FCHSD2: variants seen among roughly 807,000 people sequenced by gnomAD.
FCHSD2 encodes FCH and double SH3 domains 2, also known as F-BAR and double SH3 domains protein 2.
Under a neutral mutation model 108.1 loss-of-function variants are expected in FCHSD2, and 38 were observed. That is an observed-to-expected ratio of 0.35 (90% confidence interval 0.27 to 0.46). The LOEUF is 0.46. FCHSD2 is among the 20% of genes least tolerant of loss of function. The pLI, the probability that FCHSD2 is intolerant of heterozygous loss-of-function variation, is 1.00. For missense variants in FCHSD2, 751 were observed against 897.8 expected (o/e 0.84, Z 2.09); for synonymous variants, 279 against 314.7 (o/e 0.89, Z 1.20).
chr11:73,067,034 C>T (rs1051212222), intron 3 of FCHSD2, among the ~76,000 whole-genome samples: 1 of 152,146 alleles, frequency 6.6e-6, no homozygotes, highest in African/African-American at 2.4e-5. Context: ...CACATGCACA[C>T]GTATGTTTAT....
intron 12 of FCHSD2, among the ~76,000 whole-genome samples, chr11:72,886,650 T>C (rs535393290): frequency 8.9e-4 from 135 of 152,356 alleles, no homozygotes; most frequent in African/African-American, 3.0e-3. Flanking sequence ...GATAAAAGTG[T>C]GTGCACAGGT....
intron 8 of FCHSD2, among the ~76,000 whole-genome samples, chr11:72,956,819 T>C (rs1444012578): frequency 6.0e-5 from 2 of 33,514 alleles, no homozygotes; most frequent in African/African-American, 1.3e-4. Flanking sequence ...GATGATTTCA[T>C]AGTGGAAAAA....
At chr11:72,855,949 A>G (rs143548146) in intron 13 of FCHSD2, among the ~76,000 whole-genome samples, 20 of 152,320 alleles carry the variant, frequency 1.3e-4, no homozygotes, top group African/African-American at 4.6e-4. Context: ...CCTAATAAAG[A>G]AGAGACAAAC....
intron 8 of FCHSD2, among the ~76,000 whole-genome samples, chr11:72,978,040 T>C (rs1362398154): frequency 3.9e-5 from 6 of 152,070 alleles, no homozygotes; most frequent in Non-Finnish European, 1.5e-5. Context: ...AAACCACCAT[T>C]CTGAGCAAAC....
chr11:73,015,244 G>A (rs1294016029), intron 4 of FCHSD2, among the ~76,000 whole-genome samples: 6 of 152,098 alleles, frequency 3.9e-5, no homozygotes, highest in South Asian at 2.1e-4. Flanking sequence ...ATTACAATTC[G>A]TATGTGGGAT....
intron 2 of FCHSD2, among the ~76,000 whole-genome samples, chr11:73,086,962 C>A (rs2135517852): frequency 6.6e-6 from 1 of 152,286 alleles, no homozygotes; most frequent in African/African-American, 2.4e-5. Flanking sequence ...CAAAAACACA[C>A]AAATATTGTA....
intron 13 of FCHSD2, among the ~76,000 whole-genome samples, chr11:72,852,797 T>A (rs759514344): frequency 1.3e-5 from 2 of 152,134 alleles, no homozygotes; most frequent in Admixed American, 6.6e-5. Context: ...ATATATACCA[T>A]GAAATACTAG....
intron 8 of FCHSD2, among the ~76,000 whole-genome samples, chr11:72,963,307 C>A (rs1363951788): frequency 6.6e-6 from 1 of 152,078 alleles, no homozygotes; most frequent in East Asian, 1.9e-4. Flanking sequence ...ATATACCTGG[C>A]AAAGTAGTGA....
intron 4 of FCHSD2, among the ~76,000 whole-genome samples, chr11:73,015,372 T>G (rs1857947887): frequency 6.6e-6 from 1 of 152,134 alleles, no homozygotes; most frequent in South Asian, 2.1e-4. Flanking sequence ...TTAGAAAGTT[T>G]CCCCCCTAGT....
At chr11:73,032,034 A>G (rs1374015279) in intron 3 of FCHSD2, among the ~76,000 whole-genome samples, 1 of 152,206 alleles carries the variant, frequency 6.6e-6, no homozygotes, top group Admixed American at 6.5e-5. Context: ...AATGTTACAC[A>G]ATTATTAAAG....
chr11:73,058,040 T>C (rs1158917321), intron 3 of FCHSD2, among the ~76,000 whole-genome samples: 3 of 152,080 alleles, frequency 2.0e-5, no homozygotes, highest in Non-Finnish European at 4.4e-5. Context: ...CGACCACGCC[T>C]GGCTAATTTT....
At chr11:73,082,858 G>T (rs1859728272) in intron 3 of FCHSD2, among the ~76,000 whole-genome samples, 1 of 152,074 alleles carries the variant, frequency 6.6e-6, no homozygotes. Context: ...GTACATGAAA[G>T]AATAGTTATT....
At chr11:73,133,298 T>G (rs1313261768) in intron 2 of FCHSD2, among the ~76,000 whole-genome samples, 1 of 152,172 alleles carries the variant, frequency 6.6e-6, no homozygotes, top group Non-Finnish European at 1.5e-5. Context: ...CATATATCCA[T>G]ACAAAAACTT....
At chr11:73,060,911 G>A (rs1003629610) in intron 3 of FCHSD2, among the ~76,000 whole-genome samples, 4 of 152,184 alleles carry the variant, frequency 2.6e-5, no homozygotes, top group South Asian at 2.1e-4. Flanking sequence ...TGAGATTCCC[G>A]TGTTCATGAA....
At chr11:72,948,740 A>C (rs530609119) in intron 8 of FCHSD2, among the ~76,000 whole-genome samples, 6 of 150,706 alleles carry the variant, frequency 4.0e-5, no homozygotes, top group African/African-American at 1.5e-4. Context: ...ATCTCGGCTC[A>C]CTGCAAGCTC....
At chr11:72,960,260 C>T (rs987437674) in intron 8 of FCHSD2, among the ~76,000 whole-genome samples, 6 of 152,012 alleles carry the variant, frequency 3.9e-5, no homozygotes, top group African/African-American at 9.7e-5. Flanking sequence ...TACTGTGAGG[C>T]GGGCACTAAG....
chr11:72,866,157 A>G (rs906695815), intron 13 of FCHSD2, among the ~76,000 whole-genome samples: 6 of 152,360 alleles, frequency 3.9e-5, no homozygotes, highest in Admixed American at 3.9e-4. Flanking sequence ...ATTTGCTGTC[A>G]TCAAAAACTC....
At chr11:72,946,370 G>C (rs1431651454) in intron 8 of FCHSD2, among the ~76,000 whole-genome samples, 2 of 145,982 alleles carry the variant, frequency 1.4e-5, no homozygotes, top group African/African-American at 2.5e-5. Flanking sequence ...CATAGGAAGG[G>C]GAACATCACA....
At chr11:72,968,815 G>T (rs750510192) in intron 8 of FCHSD2, among the ~76,000 whole-genome samples, 8 of 152,082 alleles carry the variant, frequency 5.3e-5, no homozygotes, top group South Asian at 2.1e-4. Context: ...TGTACCCAAG[G>T]TTCATCCTTT....
Sources: allele counts gnomAD v4.1 joint callset (sites outside exome capture counted in the v4.1 genomes callset), GRCh38; gene constraint gnomAD v4.1.1; transcripts MANE v1.5; gene names NCBI Gene and HGNC (gene_info 2026-07-23, HGNC 2026-07-21).